The following CCDC85C variants were observed in gnomAD, a reference collection of about 807,000 sequenced individuals.
The protein encoded by CCDC85C is coiled-coil domain containing 85C, also known as coiled-coil domain-containing protein 85C.
A neutral mutation model predicts 38.3 loss-of-function variants in CCDC85C; 18 were observed. The observed-to-expected ratio is 0.47, with a 90% CI of 0.33 to 0.70. CCDC85C has a LOEUF of 0.70. Ranked by LOEUF, CCDC85C falls within the 30% of genes least tolerant of loss-of-function variation. The pLI is 0.03. For synonymous variants in CCDC85C, 264 were observed against 293.8 expected (o/e 0.90, Z 1.04); for missense variants, 566 against 621.2 (o/e 0.91, Z 0.94).
chr14:99,528,268 G>T (rs1327989714), intron 2 of CCDC85C, among the ~76,000 whole-genome samples: 1 of 152,192 alleles, frequency 6.6e-6, no homozygotes, highest in Non-Finnish European at 1.5e-5. Flanking sequence ...TAGAAGGAAG[G>T]AGAACAGTGT....
chr14:99,503,737 T>G lies in CCDC85C; in HGVS notation c.*11509A>C. 8.7e-7 allele frequency: 1 copy of G among 1,145,292 alleles called. No individual in the cohort carries two copies. Among genetic ancestry groups the G allele is most frequent in the Non-Finnish European group, 1.3e-6 (1 of 796,126 alleles). The allele number at this position is 1,145,292 out of a possible 1,614,324, so 70.9% of individuals were successfully genotyped here. On this transcript the variant is annotated 3_prime_UTR_variant, in exon 6 of 6. Transcript: ENST00000380243. ...ACATTGTTTCTTTTCAGATCTAAAT[T>G]GGCCTTAAATCTTAACTTTAGAGCT... is the stretch of plus-strand genomic sequence containing the variant.
chr14:99,510,676 C>G lies in CCDC85C; in HGVS notation c.*4570G>C. 7.0e-7 allele frequency: 1 copy of G among 1,425,828 alleles called. No homozygotes were observed. The allele number at this position is 1,425,828 out of a possible 1,614,324, so 88.3% of individuals were successfully genotyped here. On this transcript the variant is annotated 3_prime_UTR_variant, in exon 6 of 6. Coordinates refer to ENST00000380243, the MANE Select transcript of CCDC85C (RefSeq NM_001144995.2). ...TTGGGCCTGCCGCCAGCCAGCTACC[C>G]ACCTCCTGCCGTCCCCCCTGGAGGA...
Position 99,554,952 on chromosome 14 carries a change from G to T in CCDC85C, c.794-18864C>A, listed in dbSNP as rs1005453266. On this transcript the variant is annotated intron_variant, in intron 1 of 5. Transcript: ENST00000380243. ...CACAGGTGGGCACAGATGGACATAG[G>T]CCCATGGGGGCCTCAGGTCTGGTGC... Among the ~76,000 whole-genome samples the T allele has an allele frequency of 4.4e-4, 67 of 152,226 alleles. 1 individual carries two copies. The highest frequency in any genetic ancestry group is 7.5e-4 in the Non-Finnish European group (51 of 68,028).
At chr14:99,529,712 C>T (rs1415847405) in intron 2 of CCDC85C, among the ~76,000 whole-genome samples, 1 of 152,206 alleles carries the variant, frequency 6.6e-6, no homozygotes, top group Non-Finnish European at 1.5e-5. Flanking sequence ...CTGAGGGGTG[C>T]GGATTTGCAA....
chr14:99,510,629 C>A lies in CCDC85C; in HGVS notation c.*4617G>T, dbSNP rs1481297400. 5 of 1,384,988 alleles carry A rather than the reference C, an allele frequency of 3.6e-6. No homozygotes were observed. The highest frequency in any genetic ancestry group is 2.8e-6 in the Non-Finnish European group (3 of 1,064,198). The allele number at this position is 1,384,988 out of a possible 1,614,324, so 85.8% of individuals were successfully genotyped here. On this transcript the variant is annotated 3_prime_UTR_variant, in exon 6 of 6. Transcript: ENST00000380243. ...CACGCCTCCCGCCTACCCACGCAGT[C>A]CCCCCTCATCCTCCTCCAGGGTTGG...
intron 1 of CCDC85C, among the ~76,000 whole-genome samples, chr14:99,538,557 A>G (rs966057975): frequency 2.6e-4 from 39 of 152,340 alleles, no homozygotes; most frequent in African/African-American, 9.1e-4. Context: ...TCGCTGCCAC[A>G]GAACCATTCA....
chr14:99,517,284 G>A, intron 3 of CCDC85C, 101 bp from the exon 4 acceptor site: 5 of 937,276 alleles, frequency 5.3e-6, no homozygotes, highest in Non-Finnish European at 7.8e-6. Context: ...CAGGGCCCAG[G>A]CAGGAGGAAA....
chr14:99,541,158 T>C (rs770378170), intron 1 of CCDC85C, among the ~76,000 whole-genome samples: 6 of 152,152 alleles, frequency 3.9e-5, no homozygotes, highest in Non-Finnish European at 7.3e-5. Flanking sequence ...TCCAGAAAAA[T>C]GTCTGCAGCC....
intron 3 of CCDC85C, among the ~76,000 whole-genome samples, chr14:99,518,147 C>T (rs1202523519): frequency 2.0e-5 from 3 of 152,176 alleles, no homozygotes; most frequent in Admixed American, 6.5e-5. Context: ...CCCACCCACC[C>T]AGGCCTGCAT....
intron 1 of CCDC85C, among the ~76,000 whole-genome samples, chr14:99,589,711 AGAG>A (rs61077227): frequency 0.083 from 12,679 of 152,202 alleles, 1,039 homozygotes; most frequent in African/African-American, 0.2. Flanking sequence ...ACCACTGCAG[AGAG>A]GAGGACAGGC....
At position 99,503,101 on chromosome 14, in the gene CCDC85C, C is replaced by T. The variant is rs572235587; in HGVS notation, c.*12145G>A. 9 of 1,175,560 alleles carry T rather than the reference C, an allele frequency of 7.7e-6. No homozygotes were observed. The highest frequency in any genetic ancestry group is 3.4e-5 in the Admixed American group (2 of 58,820). The allele number at this position is 1,175,560 out of a possible 1,614,324, so 72.8% of individuals were successfully genotyped here. A position where few individuals can be genotyped will look rare whatever the true frequency, so the allele number is the denominator to read the frequency against. ...AACACCGGAAGCAGGGGGTGTTCGC[C>T]GAAACTCGCAGTCCGACTGCTTGTC... On this transcript the variant is annotated 3_prime_UTR_variant, in exon 6 of 6. Coordinates refer to ENST00000380243, the MANE Select transcript of CCDC85C (RefSeq NM_001144995.2).
Position 99,569,213 on chromosome 14 carries a change from C to T in CCDC85C, c.794-33125G>A, listed in dbSNP as rs1014953674. Among the ~76,000 whole-genome samples the T allele has an allele frequency of 2.0e-5, 3 of 152,226 alleles. No homozygotes were observed. In the South Asian group the frequency reaches 6.2e-4, roughly 31 times the overall value. ...GTCGACCCATCTTCGTGAAGGAAGA[C>T]CTAAATCCTCCCAACTCCCAGGGGT... On this transcript the variant is annotated intron_variant, in intron 1 of 5. Coordinates refer to ENST00000380243, the MANE Select transcript of CCDC85C (RefSeq NM_001144995.2). The surrounding 1 kb of genome is among the most constrained non-coding windows in gnomAD (Gnocchi z 4.3).
intron 1 of CCDC85C, chr14:99,573,091 G>A (rs554638983): frequency 6.3e-5 from 20 of 317,654 alleles, no homozygotes; most frequent in Admixed American, 6.1e-4. Flanking sequence ...TGTTTCCGGG[G>A]CGCTCAGACC....
At chr14:99,553,677 G>C (rs2092962) in intron 1 of CCDC85C, among the ~76,000 whole-genome samples, 2 of 152,028 alleles carry the variant, frequency 1.3e-5, no homozygotes, top group Admixed American at 1.3e-4. Context: ...TCTTGAACAC[G>C]TGGCATCCCT....
At chr14:99,566,375 C>T (rs948325602) in intron 1 of CCDC85C, among the ~76,000 whole-genome samples, 4 of 152,210 alleles carry the variant, frequency 2.6e-5, no homozygotes, top group South Asian at 2.1e-4. Context: ...CTGTAAATTA[C>T]GTACTCACCA....
chr14:99,516,314 G>T lies in CCDC85C; in HGVS notation c.1072-28C>A. ...GAAGGGAACGGGTCTCGGGGTCAGG[G>T]GCAGAGGCCACCGGCAGACCTCGGG... On this transcript the variant is annotated intron_variant, in intron 4 of 5. Coordinates refer to ENST00000380243, the MANE Select transcript of CCDC85C (RefSeq NM_001144995.2). This position sits in a 1 kb window ranked among gnomAD's most constrained non-coding sequence, Gnocchi z 5.5. 1.3e-6 allele frequency: 2 copies of T among 1,507,706 alleles called. No individual in the cohort carries two copies. The highest frequency in any genetic ancestry group is 1.8e-6 in the Non-Finnish European group (2 of 1,108,160). 93.4% of individuals were successfully genotyped at this position (1,507,706 alleles called of 1,614,324 possible).
Position 99,508,454 on chromosome 14 carries a change from G to A in CCDC85C, c.*6792C>T, listed in dbSNP as rs1897030995. The A allele has an allele frequency of 6.6e-6, 1 of 152,486 alleles. No individual in the cohort carries two copies. 9.4% of individuals were successfully genotyped at this position (152,486 alleles called of 1,614,324 possible). A position where few individuals can be genotyped will look rare whatever the true frequency, so the allele number is the denominator to read the frequency against. On this transcript the variant is annotated 3_prime_UTR_variant, in exon 6 of 6. Transcript: ENST00000380243. Reference sequence around the variant, plus strand: ...GAGCTCTGCTCCCTCCCCCATTACAGATAGCCAGGAGTAGGCCTGGGACTT... The same window carrying A: ...GAGCTCTGCTCCCTCCCCCATTACAAATAGCCAGGAGTAGGCCTGGGACTT...
chr14:99,578,346 C>T (rs767367337), intron 1 of CCDC85C, among the ~76,000 whole-genome samples: 4 of 140,090 alleles, frequency 2.9e-5, no homozygotes, highest in East Asian at 2.2e-4. Context: ...TACACATCTC[C>T]ACACCCATAC....
Position 99,516,378 on chromosome 14 carries a change from C to A in CCDC85C, c.1072-92G>T. On this transcript the variant is annotated intron_variant, in intron 4 of 5. Coordinates refer to ENST00000380243, the MANE Select transcript of CCDC85C (RefSeq NM_001144995.2). This position sits in a 1 kb window ranked among gnomAD's most constrained non-coding sequence, Gnocchi z 5.5. Reference sequence around the variant, plus strand: ...CCCTGATCCTCAGCCTCCCCTGCTGCGAACCAAAGCTGAGGACCCTGAGCC... The same window carrying A: ...CCCTGATCCTCAGCCTCCCCTGCTGAGAACCAAAGCTGAGGACCCTGAGCC... 1.1e-6 allele frequency: 1 copy of A among 935,802 alleles called. No homozygotes were observed. 58.0% of individuals were successfully genotyped at this position (935,802 alleles called of 1,614,324 possible).
Sources: gnomAD v4.1 joint callset for allele counts (sites outside exome capture counted in the v4.1 genomes callset) on GRCh38, gnomAD v4.1.1 for gene constraint, Gnocchi (gnomAD v3.1) non-coding constraint, MANE v1.5 for transcripts, NCBI Gene and HGNC (gene_info 2026-07-23, HGNC 2026-07-21) for gene names.